PDE4A: variants seen among roughly 807,000 people sequenced by gnomAD.
PDE4A encodes the protein 3',5'-cyclic-AMP phosphodiesterase 4A.
In PDE4A, 21 loss-of-function variants were observed where a neutral mutation model predicts 73.9. That is an observed-to-expected ratio of 0.28 (90% CI 0.20 to 0.41). The LOEUF is 0.41. Among genes scored for constraint, PDE4A ranks in the 10% least tolerant of loss-of-function variants. PDE4A has a pLI of 1.00. For synonymous variants in PDE4A, 463 were observed against 505.4 expected, an observed-to-expected ratio of 0.92 and a Z score of 1.13; for missense variants, 958 against 1,211.4, an observed-to-expected ratio of 0.79 and a Z score of 3.10.
intron 1 of PDE4A, among the ~76,000 whole-genome samples, chr19:10,432,104 G>T (rs1367046714): frequency 6.6e-6 from 1 of 151,478 alleles, no homozygotes; most frequent in Admixed American, 6.6e-5. Context: ...GCCGGAGGCG[G>T]TGGCAGGAGG....
chr19:10,436,054 G>A (rs1289036668), intron 1 of PDE4A, among the ~76,000 whole-genome samples: 1 of 152,134 alleles, frequency 6.6e-6, no homozygotes, highest in African/African-American at 2.4e-5. Flanking sequence ...GATGTGCCAG[G>A]ATGTGCTAGC....
rs756622402 is a variant in PDE4A at position 10,446,332 on chromosome 19, C to T, written c.435C>T (p.Ser145=). The change falls in exon 2 of 15, where the codon TCC becomes TCT. Residue 145 remains serine (S), a synonymous_variant. Coordinates refer to ENST00000380702, the MANE Select transcript of PDE4A (RefSeq NM_001111307.2). ...CGGCCACCAGCCAGCGCCGGGAGTC[C>T]TTCCTGTACCGCTCAGACAGCGACT... ...AGAATSQRRE[S]FLYRSDSDYD... 1 of 1,613,928 alleles carries T rather than the reference C, an allele frequency of 6.2e-7. No individual in the cohort carries two copies. Among genetic ancestry groups the T allele is most frequent in the Non-Finnish European group, 8.5e-7 (1 of 1,179,852 alleles).
intron 1 of PDE4A, among the ~76,000 whole-genome samples, chr19:10,438,925 A>G (rs2042900598): frequency 6.6e-6 from 1 of 152,234 alleles, no homozygotes; most frequent in South Asian, 2.1e-4. Context: ...AGCCTGTGTC[A>G]GAATTCCTTT....
rs762261060 is a variant in PDE4A at position 10,458,030 on chromosome 19, T to C, written c.1029T>C (p.His343=). The change falls in exon 8 of 15, where the codon CAT becomes CAC. Residue 343 remains histidine (H), a synonymous_variant. Coordinates refer to ENST00000380702, the MANE Select transcript of PDE4A (RefSeq NM_001111307.2). This position sits in a 1 kb window ranked among gnomAD's most constrained non-coding sequence, Gnocchi z 4.6. ...SQITGLKKLM[H]SNSLNNSNIP... ...TCACAGGGTTGAAAAAGTTGATGCA[T>C]AGTAACAGCCTGAACAACTCTAACA... 22 of 1,613,702 alleles carry C rather than the reference T, an allele frequency of 1.4e-5. No individual in the cohort carries two copies. The African/African-American group carries it at 2.5e-4, about 19-fold the overall frequency.
At chr19:10,438,540 G>C (rs939739077) in intron 1 of PDE4A, among the ~76,000 whole-genome samples, 2 of 152,086 alleles carry the variant, frequency 1.3e-5, no homozygotes, top group Non-Finnish European at 2.9e-5. Context: ...CCTCATATAA[G>C]TGGAATTTCC....
chr19:10,425,372 G>A (rs1272451383), intron 1 of PDE4A, among the ~76,000 whole-genome samples: 1 of 152,184 alleles, frequency 6.6e-6, no homozygotes, highest in Non-Finnish European at 1.5e-5. Flanking sequence ...CAGTCAAACG[G>A]GGCTGAAAAA....
At position 10,438,853 on chromosome 19, in the gene PDE4A, A is replaced by G. The variant is rs537143625; in HGVS notation, c.321-7365A>G. On this transcript the variant is annotated intron_variant, in intron 1 of 14. Coordinates refer to ENST00000380702, the MANE Select transcript of PDE4A (RefSeq NM_001111307.2). ...ACTCCCAACCTCAGGTGATCCGCCCACCTCATCCTACCAAAGTGCTGGGTC... is the reference window on the plus strand; with the variant it reads ...ACTCCCAACCTCAGGTGATCCGCCCGCCTCATCCTACCAAAGTGCTGGGTC... Among the ~76,000 whole-genome samples, 171 of 152,054 alleles carry G rather than the reference A, an allele frequency of 1.1e-3. 1 individual carries two copies. Among genetic ancestry groups the G allele is most frequent in the African/African-American group, 4.1e-3 (170 of 41,474 alleles).
At chr19:10,425,078 G>A (rs2042700192) in intron 1 of PDE4A, among the ~76,000 whole-genome samples, 1 of 152,062 alleles carries the variant, frequency 6.6e-6, no homozygotes, top group African/African-American at 2.4e-5. Context: ...ACAAAAATTA[G>A]CCGGGTATGG....
intron 1 of PDE4A, chr19:10,427,503 C>T: frequency 2.0e-6 from 2 of 985,328 alleles, no homozygotes; most frequent in Non-Finnish European, 2.4e-6. Flanking sequence ...GGCTCATAGA[C>T]CATTAGGCCA....
rs548608312 is a variant in PDE4A, at chr19:10,454,751, G to T, written c.784-78G>T. 19 of 1,602,794 alleles carry T rather than the reference G, an allele frequency of 1.2e-5. No individual in the cohort carries two copies. The African/African-American group carries it at 2.3e-4, about 19-fold the overall frequency. On this transcript the variant is annotated intron_variant, in intron 6 of 14. Transcript: ENST00000380702. Reference sequence around the variant, plus strand: ...GGAGGGACTCATGGGGTCTTCAGGCGTTCTTGGGAAGGACTGACACCCTCC... The same window carrying T: ...GGAGGGACTCATGGGGTCTTCAGGCTTTCTTGGGAAGGACTGACACCCTCC...
chr19:10,432,476 T>G, intron 1 of PDE4A: 3 of 1,501,300 alleles, frequency 2.0e-6, no homozygotes, highest in Non-Finnish European at 2.7e-6. Context: ...CCCGGCCCCC[T>G]GCCCTGGCAC....
At chr19:10,450,726 C>T in intron 5 of PDE4A, 74 bp downstream of exon 5, 1 of 1,585,538 alleles carries the variant, frequency 6.3e-7, no homozygotes. Context: ...CCTTCCCCAC[C>T]CAGCAGTCCA....
upstream of PDE4A, chr19:10,416,809 G>C (rs2042591940): frequency 3.3e-6 from 5 of 1,520,164 alleles, no homozygotes; most frequent in East Asian, 2.5e-5. Context: ...CAAGTGGCGG[G>C]GGCGGGTTCT....
chr19:10,457,825 C>T (rs1028752007), intron 7 of PDE4A, 54 bp from the exon 8 acceptor site: 3 of 1,600,634 alleles, frequency 1.9e-6, no homozygotes, highest in African/African-American at 2.7e-5. Context: ...AATAAGGGAG[C>T]CTCCAGGGGT....
intron 5 of PDE4A, 83 bp from the exon 6 acceptor site, chr19:10,450,746 C>T (rs891979707): frequency 8.4e-5 from 132 of 1,579,144 alleles, no homozygotes; most frequent in Non-Finnish European, 1.0e-4. Flanking sequence ...ACTCACCTGG[C>T]GAACCCCGTC....
intron 1 of PDE4A, chr19:10,427,873 CCCAACA>C (rs2042737123): frequency 1.0e-6 from 1 of 984,646 alleles, no homozygotes. Flanking sequence ...GTGGCTCATG[CCCAACA>C]CACTTTGGGA....
intron 8 of PDE4A, 80 bp from the exon 9 acceptor site, chr19:10,459,320 A>T: frequency 6.2e-7 from 1 of 1,603,204 alleles, no homozygotes; most frequent in Middle Eastern, 1.7e-4. Flanking sequence ...CCTTCAGACC[A>T]AGGCTTCAAA....
chr19:10,417,878 G>A (rs2042603675), upstream of PDE4A: 4 of 1,548,504 alleles, frequency 2.6e-6, no homozygotes, highest in Non-Finnish European at 2.6e-6. Flanking sequence ...AGGTAGGAGA[G>A]GGAGCAGAGT....
intron 2 of PDE4A, among the ~76,000 whole-genome samples, chr19:10,447,130 G>C (rs2043017828): frequency 7.2e-6 from 1 of 138,706 alleles, no homozygotes; most frequent in Non-Finnish European, 1.5e-5. Context: ...TCGATCTCCT[G>C]ACCTCATGAT....
Sources: allele counts gnomAD v4.1 joint callset (sites outside exome capture counted in the v4.1 genomes callset), GRCh38; gene constraint gnomAD v4.1.1; non-coding constraint Gnocchi (gnomAD v3.1); transcripts MANE v1.5; gene names NCBI Gene and HGNC (gene_info 2026-07-23, HGNC 2026-07-21).